COG5: variants seen among roughly 807,000 people sequenced by gnomAD.
The protein encoded by COG5 is component of oligomeric golgi complex 5.
COG5 carries 86 observed loss-of-function variants against 110.4 expected under a neutral mutation model. The observed-to-expected ratio is 0.78, with a 90% CI of 0.65 to 0.93. The LOEUF (loss-of-function observed/expected upper bound fraction) is 0.93. Ranked by LOEUF, COG5 falls within the 40% of genes least tolerant of loss-of-function variation. The probability of loss-of-function intolerance (pLI) is 0.00; values close to 1 mark genes in which losing one functional copy is unlikely to be tolerated. For synonymous variants in COG5, 360 were observed against 334.6 expected (o/e 1.08, Z -0.83); for missense variants, 1,077 against 987.0 (o/e 1.09, Z -1.22).
chr7:107,531,463 T>TA (rs1202004137), intron 5 of COG5, among the ~76,000 whole-genome samples: 4 of 152,184 alleles, frequency 2.6e-5, no homozygotes, highest in Non-Finnish European at 4.4e-5. Flanking sequence ...TTTGTATTTA[T>TA]AAGCATATGA....
Position 107,361,571 on chromosome 7 carries a change from T to C in COG5, c.1026+462A>G, listed in dbSNP as rs181000129. ...GATTACATTTATTTTAGTTTATTTA[T>C]TTATTTTTGAGATAGAGTTTCACTC... On this transcript the variant is annotated intron_variant, in intron 10 of 21. Transcript: ENST00000297135. 1.1e-3 allele frequency among the ~76,000 whole-genome samples: 170 copies of C among 152,308 alleles called. 1 individual carries two copies. The highest frequency in any genetic ancestry group is 3.8e-3 in the African/African-American group (157 of 41,582).
At position 107,463,760 on chromosome 7, in the gene COG5, C is replaced by A. The variant is rs78423556; in HGVS notation, c.539-51128G>T. ...CAGGAGCATGGGGAAGACAAGGTAG[C>A]GGGGAAAATCTATTCTGCAGAGGAC... On this transcript the variant is annotated intron_variant, in intron 6 of 21. Coordinates refer to ENST00000297135, the MANE Select transcript of COG5 (RefSeq NM_006348.5). 9.3e-3 allele frequency among the ~76,000 whole-genome samples: 1,408 copies of A among 152,172 alleles called. 32 individuals are homozygous for A. Among genetic ancestry groups the A allele is most frequent in the African/African-American group, 0.032 (1,334 of 41,524 alleles).
intron 6 of COG5, among the ~76,000 whole-genome samples, chr7:107,499,898 A>T (rs1054886485): frequency 1.3e-5 from 2 of 151,906 alleles, no homozygotes; most frequent in African/African-American, 2.4e-5. Flanking sequence ...CCCCCAGCTC[A>T]CTTCTCCTCA....
At chr7:107,306,262 A>C (rs1373387176) in intron 11 of COG5, among the ~76,000 whole-genome samples, 4 of 152,194 alleles carry the variant, frequency 2.6e-5, no homozygotes, top group Non-Finnish European at 2.9e-5. Context: ...ATACAATAAG[A>C]GTACCAGAAC....
At chr7:107,541,571 A>C (rs1483783151) in intron 5 of COG5, among the ~76,000 whole-genome samples, 1 of 143,196 alleles carries the variant, frequency 7.0e-6, no homozygotes. Context: ...TATTTATATA[A>C]ATGAAATTGA....
intron 7 of COG5, among the ~76,000 whole-genome samples, chr7:107,404,885 GAAAA>G (rs59988899): frequency 6.8e-4 from 22 of 32,402 alleles, no homozygotes; most frequent in Non-Finnish European, 7.8e-4. Flanking sequence ...TTCAGAAGAT[GAAAA>G]AAAAAAAAAA....
intron 7 of COG5, among the ~76,000 whole-genome samples, chr7:107,389,825 G>C (rs1790488697): frequency 6.6e-6 from 1 of 151,984 alleles, no homozygotes; most frequent in Non-Finnish European, 1.5e-5. Flanking sequence ...TGACACCTGG[G>C]ACATCTTGGC....
intron 5 of COG5, among the ~76,000 whole-genome samples, chr7:107,535,293 A>T (rs1214111447): frequency 6.6e-6 from 1 of 151,666 alleles, no homozygotes. Context: ...TGCAAAATCT[A>T]GCAGAAGACA....
At chr7:107,460,335 C>G (rs1230060787) in intron 6 of COG5, among the ~76,000 whole-genome samples, 1 of 151,400 alleles carries the variant, frequency 6.6e-6, no homozygotes, top group Non-Finnish European at 1.5e-5. Flanking sequence ...CCCAGGAGGT[C>G]GAGGCTACAG....
chr7:107,562,736 T>C (rs1803965574), intron 1 of COG5, among the ~76,000 whole-genome samples: 1 of 152,190 alleles, frequency 6.6e-6, no homozygotes, highest in Non-Finnish European at 1.5e-5. Context: ...ACATAAATTA[T>C]CATGAAAAGG....
intron 10 of COG5, among the ~76,000 whole-genome samples, chr7:107,338,871 G>T (rs1199853339): frequency 6.6e-6 from 1 of 152,054 alleles, no homozygotes; most frequent in East Asian, 1.9e-4. Context: ...AGATCCTTAA[G>T]GGAGTTCTAA....
At chr7:107,394,519 G>A (rs1005735523) in intron 7 of COG5, among the ~76,000 whole-genome samples, 1 of 152,090 alleles carries the variant, frequency 6.6e-6, no homozygotes, top group African/African-American at 2.4e-5. Flanking sequence ...GCCAAAACAG[G>A]AACACTGTAA....
chr7:107,371,379 C>A (rs1280493685), intron 8 of COG5, among the ~76,000 whole-genome samples: 1 of 152,040 alleles, frequency 6.6e-6, no homozygotes, highest in African/African-American at 2.4e-5. Flanking sequence ...TGCTTGAGGC[C>A]AGGAGTTCAA....
intron 17 of COG5, among the ~76,000 whole-genome samples, chr7:107,240,204 C>T (rs1307637710): frequency 1.3e-5 from 2 of 152,014 alleles, no homozygotes; most frequent in African/African-American, 2.4e-5. Context: ...TTGATGATTA[C>T]TCTTTACTTA....
intron 7 of COG5, among the ~76,000 whole-genome samples, chr7:107,402,422 T>C (rs1194148684): frequency 2.0e-5 from 3 of 152,196 alleles, no homozygotes; most frequent in South Asian, 2.1e-4. Context: ...GAAAGTCTCA[T>C]ACTTGTTTAC....
intron 7 of COG5, among the ~76,000 whole-genome samples, chr7:107,388,908 A>G (rs181239315): frequency 7.1e-4 from 108 of 152,346 alleles, no homozygotes; most frequent in African/African-American, 2.5e-3. Flanking sequence ...CACAGACGAC[A>G]CAAGCCTCAA....
chr7:107,253,976 A>G (rs188750231), intron 16 of COG5, among the ~76,000 whole-genome samples: 68 of 152,248 alleles, frequency 4.5e-4, no homozygotes, highest in African/African-American at 1.6e-3. Flanking sequence ...TTTTCATCAT[A>G]GCGCTTATCA....
intron 6 of COG5, among the ~76,000 whole-genome samples, chr7:107,511,439 G>A (rs1302455791): frequency 1.3e-5 from 2 of 152,256 alleles, no homozygotes; most frequent in East Asian, 1.9e-4. Flanking sequence ...GGAGCAGATG[G>A]ATTCACAGCC....
intron 14 of COG5, among the ~76,000 whole-genome samples, chr7:107,271,473 T>G (rs148400171): frequency 6.6e-6 from 1 of 152,178 alleles, no homozygotes; most frequent in Non-Finnish European, 1.5e-5. Context: ...ACACAACTTA[T>G]AGTTTTCAGT....
Sources: gnomAD v4.1 joint callset for allele counts (sites outside exome capture counted in the v4.1 genomes callset) on GRCh38, gnomAD v4.1.1 for gene constraint, MANE v1.5 for transcripts, NCBI Gene and HGNC (gene_info 2026-07-23, HGNC 2026-07-21) for gene names.